Variants in PACS1 observed in about 807,000 individuals in gnomAD.
The protein encoded by PACS1 is phosphofurin acidic cluster sorting protein 1.
In PACS1, 24 loss-of-function variants were observed where a neutral mutation model predicts 115.0. The ratio of observed to expected loss-of-function variants is 0.21; its 90% CI spans 0.15 to 0.29. PACS1 has a LOEUF of 0.29. Ranked by LOEUF, PACS1 falls within the 10% of genes least tolerant of loss-of-function variation. The probability of loss-of-function intolerance (pLI) is 1.00; values close to 1 mark genes in which losing one functional copy is unlikely to be tolerated. For synonymous variants in PACS1, 453 were observed against 504.5 expected, an observed-to-expected ratio of 0.90 and a Z score of 1.37; for missense variants, 838 against 1,251.2, an observed-to-expected ratio of 0.67 and a Z score of 4.98.
At chr11:66,239,086 C>G in intron 20 of PACS1, 56 bp from the exon 21 acceptor site, 3 of 1,612,722 alleles carry the variant, frequency 1.9e-6, no homozygotes, top group Non-Finnish European at 1.7e-6. Flanking sequence ...CTTGCCACCA[C>G]CAAGTCAGAG....
At chr11:66,115,040 A>C (rs747635767) in intron 1 of PACS1, among the ~76,000 whole-genome samples, 72 of 151,598 alleles carry the variant, frequency 4.7e-4, no homozygotes, top group Non-Finnish European at 8.4e-4. Flanking sequence ...CCCCATCTCT[A>C]CAAAAAAAAA....
chr11:66,229,476 G>C (rs944396019), intron 11 of PACS1, among the ~76,000 whole-genome samples: 17 of 151,908 alleles, frequency 1.1e-4, no homozygotes, highest in Non-Finnish European at 1.9e-4. Context: ...GAGGCGGGCG[G>C]ATCACGAGGT....
At chr11:66,074,405 G>A (rs1358784210) in intron 1 of PACS1, among the ~76,000 whole-genome samples, 2 of 152,116 alleles carry the variant, frequency 1.3e-5, no homozygotes, top group Non-Finnish European at 2.9e-5. Flanking sequence ...TTAAAGGAAG[G>A]GTGTTAGAGC....
chr11:66,171,353 G>T lies in PACS1; in HGVS notation c.357-22133G>T, dbSNP rs183981367. Among the ~76,000 whole-genome samples, 70 of 150,146 alleles carry T rather than the reference G, an allele frequency of 4.7e-4. 1 individual carries two copies. The East Asian group carries it at 0.012, about 26-fold the overall frequency. On this transcript the variant is annotated intron_variant, in intron 1 of 23. Transcript: ENST00000320580. The stretch of plus-strand genomic sequence containing the variant: ...AATCTTATGAAGAACATATAAGTAG[G>T]TTTTGTTTTATAAATCTAATCTATA...
chr11:66,189,550 C>T (rs1347897756), intron 1 of PACS1, among the ~76,000 whole-genome samples: 4 of 152,196 alleles, frequency 2.6e-5, no homozygotes, highest in African/African-American at 9.7e-5. Context: ...GTTTGCTTTT[C>T]CCGCTGCGCT....
intron 1 of PACS1, among the ~76,000 whole-genome samples, chr11:66,120,737 C>G (rs992940104): frequency 3.3e-5 from 5 of 152,212 alleles, no homozygotes; most frequent in Non-Finnish European, 7.3e-5. Flanking sequence ...AATGAAATTA[C>G]CCATGTGAAA....
chr11:66,141,593 A>G lies in PACS1; in HGVS notation c.357-51893A>G, dbSNP rs564463929. 9.9e-4 allele frequency among the ~76,000 whole-genome samples: 147 copies of G among 147,790 alleles called. 1 individual carries two copies. Among genetic ancestry groups the G allele is most frequent in the Admixed American group, 2.0e-3 (30 of 14,864 alleles). On this transcript the variant is annotated intron_variant, in intron 1 of 23. Transcript: ENST00000320580. ...CACTTGAACCCAGGAGGCGGAGGCTACAGTGAGCCGAGATCACACCACTGT... is the reference window on the plus strand; with the variant it reads ...CACTTGAACCCAGGAGGCGGAGGCTGCAGTGAGCCGAGATCACACCACTGT...
intron 1 of PACS1, among the ~76,000 whole-genome samples, chr11:66,150,470 T>C (rs536356258): frequency 8.4e-6 from 1 of 118,904 alleles, no homozygotes; most frequent in South Asian, 2.4e-4. Context: ...TTCACTAAAA[T>C]AGAAAAAAAA....
rs767885129 is a variant in PACS1, at chr11:66,211,249, A to G, written c.650A>G (p.Asn217Ser). ...AAGACCTTGGCCGTGGGACTCATCA[A>G]CATGGCAGAGGTGAGAGGAACACAG... ...GYKTLAVGLI[N>S]MAEVMQHPNE... Residue 217 changes from asparagine to serine, a missense_variant, in exon 4 of 24, where the codon AAC (asparagine) becomes AGC (serine). Asn to Ser is a conservative substitution (Grantham distance 46). Transcript: ENST00000320580. 6.2e-6 allele frequency: 10 copies of G among 1,613,458 alleles called. No individual in the cohort carries two copies. Among genetic ancestry groups the G allele is most frequent in the Admixed American group, 5.0e-5 (3 of 59,984 alleles).
intron 1 of PACS1, among the ~76,000 whole-genome samples, chr11:66,140,599 G>A (rs1297837432): frequency 6.6e-6 from 1 of 152,064 alleles, no homozygotes; most frequent in East Asian, 1.9e-4. Flanking sequence ...AAATTCAAAA[G>A]ATATAGAAGG....
At chr11:66,091,410 G>C (rs1267042548) in intron 1 of PACS1, among the ~76,000 whole-genome samples, 1 of 152,018 alleles carries the variant, frequency 6.6e-6, no homozygotes, top group African/African-American at 2.4e-5. Context: ...CAAAGTGCTA[G>C]GATTACAGGC....
At chr11:66,219,428 G>A (rs1173100370) in intron 7 of PACS1, 1 of 472,212 alleles carries the variant, frequency 2.1e-6, no homozygotes, top group African/African-American at 2.0e-5. Context: ...GGAGTCAGCA[G>A]TGGGCACTGT....
chr11:66,159,304 GC>G (rs1859435773), intron 1 of PACS1, among the ~76,000 whole-genome samples: 1 of 152,118 alleles, frequency 6.6e-6, no homozygotes, highest in African/African-American at 2.4e-5. Flanking sequence ...GGGCGTGGTG[GC>G]ACATGCCTGT....
intron 7 of PACS1, among the ~76,000 whole-genome samples, chr11:66,218,896 G>GTT (rs898877851): frequency 3.3e-5 from 5 of 151,534 alleles, no homozygotes; most frequent in African/African-American, 1.2e-4. Flanking sequence ...ACAGCATGCA[G>GTT]TTTTTCCCAG....
At chr11:66,098,934 G>C (rs1381560458) in intron 1 of PACS1, among the ~76,000 whole-genome samples, 4 of 152,178 alleles carry the variant, frequency 2.6e-5, no homozygotes, top group Non-Finnish European at 5.9e-5. Context: ...AACCAGCCCT[G>C]TTACTGCTGT....
intron 1 of PACS1, among the ~76,000 whole-genome samples, chr11:66,178,803 AG>A (rs1024877417): frequency 4.6e-4 from 70 of 152,326 alleles, no homozygotes; most frequent in African/African-American, 1.7e-3. Context: ...TATCAACAAT[AG>A]TCAGAAACCT....
At chr11:66,213,528 G>A (rs1321472811) in intron 4 of PACS1, among the ~76,000 whole-genome samples, 1 of 152,200 alleles carries the variant, frequency 6.6e-6, no homozygotes, top group Non-Finnish European at 1.5e-5. Flanking sequence ...GTCCCCAACT[G>A]GGTGTCATGC....
intron 1 of PACS1, among the ~76,000 whole-genome samples, chr11:66,102,692 T>G (rs1313397601): frequency 2.0e-5 from 3 of 152,110 alleles, no homozygotes; most frequent in Non-Finnish European, 2.9e-5. Flanking sequence ...TGTCATCTTT[T>G]TAGGAATAAA....
At chr11:66,202,782 T>TATATATATATATATA (rs1854845586) in intron 2 of PACS1, among the ~76,000 whole-genome samples, 10 of 119,682 alleles carry the variant, frequency 8.4e-5, no homozygotes, top group Non-Finnish European at 1.0e-4. Flanking sequence ...TATATATATA[T>TATATATATATATATA]TCTGAAAAAG....
Sources: gnomAD v4.1 joint callset for allele counts (sites outside exome capture counted in the v4.1 genomes callset) on GRCh38, gnomAD v4.1.1 for gene constraint, MANE v1.5 for transcripts, NCBI Gene and HGNC (gene_info 2026-07-23, HGNC 2026-07-21) for gene names.